The following ZNF106 variants were observed in gnomAD, a reference collection of about 807,000 sequenced individuals.
ZNF106 encodes the protein zinc finger protein 106.
ZNF106 carries 67 observed loss-of-function variants against 195.1 expected under a neutral mutation model. That is an observed-to-expected ratio of 0.34 (90% CI 0.28 to 0.42). ZNF106 has a LOEUF of 0.42. Among genes scored for constraint, ZNF106 ranks in the 10% least tolerant of loss-of-function variants. The probability of loss-of-function intolerance (pLI) is 1.00; values close to 1 mark genes in which losing one functional copy is unlikely to be tolerated. For synonymous variants in ZNF106, 784 were observed against 818.6 expected, an observed-to-expected ratio of 0.96 and a Z score of 0.72; for missense variants, 2,118 against 2,304.5, an observed-to-expected ratio of 0.92 and a Z score of 1.66.
chr15:42,462,810 G>A (rs1464167403), intron 3 of ZNF106, among the ~76,000 whole-genome samples: 1 of 152,116 alleles, frequency 6.6e-6, no homozygotes, highest in African/African-American at 2.4e-5. Flanking sequence ...TGTTTTGACA[G>A]GGTCTCACTG....
Position 42,450,356 on chromosome 15 carries a change from G to C in ZNF106, c.1916C>G (p.Ser639Cys). ...CTCATCAGCAGTTCGAGTGCTGCCA[G>C]ATAACAATTCTGTAGTTGCAGAACC... ...TLGSATTELL[S>C]GSTRTADEKE... The change falls in exon 5 of 22, where the codon TCT (serine) becomes TGT (cysteine). Residue 639 changes from serine to cysteine, a missense_variant. Transcript: ENST00000564754. 6.2e-7 allele frequency: 1 copy of C among 1,614,170 alleles called. No homozygotes were observed.
At chr15:42,418,257 G>A (rs543390730) in intron 20 of ZNF106, among the ~76,000 whole-genome samples, 1 of 151,510 alleles carries the variant, frequency 6.6e-6, no homozygotes, top group South Asian at 2.1e-4. Context: ...ATGAAATTCT[G>A]TTTAAACTGT....
At position 42,454,271 on chromosome 15, in the gene ZNF106, G is replaced by C. The variant is rs75741988; in HGVS notation, c.318-2317C>G. 5.5e-4 allele frequency among the ~76,000 whole-genome samples: 83 copies of C among 151,878 alleles called. 2 individuals are homozygous for C. In the East Asian group the frequency reaches 0.016, roughly 29 times the overall value. ...AAATTACAATCATTTCTAAACAGGAGACTCTTTAGAAAGTAACAAGTATTA... is the reference window on the plus strand; with the variant it reads ...AAATTACAATCATTTCTAAACAGGACACTCTTTAGAAAGTAACAAGTATTA... On this transcript the variant is annotated intron_variant, in intron 4 of 21. Coordinates refer to ENST00000564754, the MANE Select transcript of ZNF106 (RefSeq NM_001366845.3).
chr15:42,418,892 G>A (rs760450102), intron 20 of ZNF106, among the ~76,000 whole-genome samples: 1 of 151,512 alleles, frequency 6.6e-6, no homozygotes, highest in African/African-American at 2.4e-5. Flanking sequence ...TATAAACGTG[G>A]CTTAATTTCA....
chr15:42,475,179 A>C (rs536016135), intron 1 of ZNF106, among the ~76,000 whole-genome samples: 53 of 152,324 alleles, frequency 3.5e-4, no homozygotes, highest in Non-Finnish European at 6.0e-4. Context: ...CAGGCCAGGC[A>C]TGGTGGCTCA....
At chr15:42,481,332 T>A (rs965453299) in intron 1 of ZNF106, among the ~76,000 whole-genome samples, 2 of 150,888 alleles carry the variant, frequency 1.3e-5, no homozygotes, top group South Asian at 4.2e-4. Context: ...CTTTATTTCA[T>A]ATTCTTTCTG....
At chr15:42,477,784 G>T (rs2056814697) in intron 1 of ZNF106, among the ~76,000 whole-genome samples, 1 of 152,042 alleles carries the variant, frequency 6.6e-6, no homozygotes, top group Non-Finnish European at 1.5e-5. Context: ...CAGCTACTCG[G>T]GAGGCTGAGG....
rs367903147 is a variant in ZNF106, at chr15:42,439,635, A to C, written c.3942T>G (p.Asn1314Lys). The C allele has an allele frequency of 1.2e-6, 2 of 1,613,610 alleles. No homozygotes were observed. The highest frequency in any genetic ancestry group is 2.7e-5 in the African/African-American group (2 of 74,830). ...CTTTGGTTGGCTCTTCCCCTTCTTT[A>C]TTTATGCTAGAAAGACCAGCTGATT... ...SSQSAGLSSI[N>K]KEGEEPTKGN... Residue 1314 changes from asparagine to lysine, a missense_variant, in exon 11 of 22, where the codon AAT becomes AAG. Asn to Lys is a moderately conservative substitution (Grantham distance 94). Transcript: ENST00000564754.
chr15:42,432,562 T>A (rs1472166584), intron 14 of ZNF106, among the ~76,000 whole-genome samples: 1 of 152,150 alleles, frequency 6.6e-6, no homozygotes, highest in Non-Finnish European at 1.5e-5. Flanking sequence ...TCAACCTATT[T>A]TGTCTTTACA....
In ZNF106 at chr15:42,440,508, GAA is replaced by G. The variant is rs34427840; in HGVS notation, c.3764-697_3764-696del. Among the ~76,000 whole-genome samples the G allele has an allele frequency of 4.1e-3, 626 of 151,968 alleles. 4 individuals are homozygous for G. Among genetic ancestry groups the G allele is most frequent in the African/African-American group, 0.015 (602 of 41,450 alleles). Reference sequence around the variant, plus strand: ...CAGAAAAATCATTATATATTAAATGGAAAAAGTCAGGTTATATATGACTGCTC... The same window carrying G: ...CAGAAAAATCATTATATATTAAATGGAAAGTCAGGTTATATATGACTGCTC... On this transcript the variant is annotated intron_variant, in intron 10 of 21. Transcript: ENST00000564754.
chr15:42,440,997 AAATATATATATATATATATAT>A (rs1269415472), intron 10 of ZNF106, among the ~76,000 whole-genome samples: 969 of 51,636 alleles, frequency 0.019, 89 homozygotes, highest in Non-Finnish European at 0.024. Flanking sequence ...AAAAAAAAAA[AAATATATATATATATATATAT>A]ATATATATAT....
chr15:42,442,165 T>C lies in ZNF106; in HGVS notation c.3671A>G (p.Gln1224Arg). Residue 1224 changes from glutamine to arginine, a missense_variant, in exon 10 of 22, where the codon CAA (glutamine) becomes CGA (arginine). Coordinates refer to ENST00000564754, the MANE Select transcript of ZNF106 (RefSeq NM_001366845.3). ...PAPDSSVQIK[Q>R]EPMSPEQDEN... ...ATCTTGTTCAGGAGACATGGGCTCT[T>C]GTTTAATCTGAACTGATGAGTCTGG... 1 of 1,614,208 alleles carries C rather than the reference T, an allele frequency of 6.2e-7. No homozygotes were observed. Among genetic ancestry groups the C allele is most frequent in the Non-Finnish European group, 8.5e-7 (1 of 1,180,032 alleles).
chr15:42,448,414 C>T lies in ZNF106; in HGVS notation c.2793G>A (p.Met931Ile). 6.2e-7 allele frequency: 1 copy of T among 1,614,158 alleles called. No homozygotes were observed. Among genetic ancestry groups the T allele is most frequent in the Non-Finnish European group, 8.5e-7 (1 of 1,180,040 alleles). The change falls in exon 6 of 22, where the codon ATG becomes ATA. Residue 931 changes from methionine (M) to isoleucine (I), a missense_variant. Coordinates refer to ENST00000564754, the MANE Select transcript of ZNF106 (RefSeq NM_001366845.3). ...GAGGTGTCACTTCTTGTTTGAGGTGCATGGTTGCTTTCTGGCTCTGTCCAG... is the reference window on the plus strand; with the variant it reads ...GAGGTGTCACTTCTTGTTTGAGGTGTATGGTTGCTTTCTGGCTCTGTCCAG... Reference protein sequence around the residue: ...LRAGQSQKATMHLKQEVTPRA... With the variant: ...LRAGQSQKATIHLKQEVTPRA...
chr15:42,465,214 T>C (rs2056488295), intron 3 of ZNF106, among the ~76,000 whole-genome samples: 1 of 149,602 alleles, frequency 6.7e-6, no homozygotes, highest in Non-Finnish European at 1.5e-5. Context: ...ATTTCATTTT[T>C]TAAAGGTGTC....
chr15:42,424,275 A>G, intron 16 of ZNF106: 1 of 515,108 alleles, frequency 1.9e-6, no homozygotes, highest in South Asian at 3.0e-5. Flanking sequence ...TACGTTTGTT[A>G]CCTTTCCAGA....
chr15:42,437,776 G>A (rs7180315), intron 12 of ZNF106, among the ~76,000 whole-genome samples: 10,589 of 151,728 alleles, frequency 0.07, 815 homozygotes, highest in Admixed American at 0.16. Flanking sequence ...GTGTGGTAGC[G>A]TGAGCCTGTA....
At chr15:42,443,358 G>A (rs530445524) in intron 9 of ZNF106, among the ~76,000 whole-genome samples, 7 of 152,184 alleles carry the variant, frequency 4.6e-5, no homozygotes, top group Admixed American at 6.5e-5. Flanking sequence ...CTGGCCAGGC[G>A]TGGTGGTTCA....
chr15:42,467,668 G>A (rs1290516055), intron 2 of ZNF106, among the ~76,000 whole-genome samples: 1 of 151,838 alleles, frequency 6.6e-6, no homozygotes, highest in Non-Finnish European at 1.5e-5. Context: ...CACTAACTGG[G>A]CTGGTGGTGA....
Position 42,451,133 on chromosome 15 carries a change from G to A in ZNF106, c.1139C>T (p.Thr380Ile). 7 of 1,614,198 alleles carry A rather than the reference G, an allele frequency of 4.3e-6. No homozygotes were observed. The highest frequency in any genetic ancestry group is 5.9e-6 in the Non-Finnish European group (7 of 1,180,042). ...RRWTPYPSQK[T>I]LDLQSGLKDI... ...TTTCAATCCCGACTGTAAATCCAGAGTCTTCTGAGAAGGGTAAGGCGTCCA... is the reference window on the plus strand; with the variant it reads ...TTTCAATCCCGACTGTAAATCCAGAATCTTCTGAGAAGGGTAAGGCGTCCA... Residue 380 changes from threonine (T) to isoleucine (I), a missense_variant, in exon 5 of 22, where the codon ACT becomes ATT. Coordinates refer to ENST00000564754, the MANE Select transcript of ZNF106 (RefSeq NM_001366845.3).
Sources: gnomAD v4.1 joint callset for allele counts (sites outside exome capture counted in the v4.1 genomes callset) on GRCh38, gnomAD v4.1.1 for gene constraint, MANE v1.5 for transcripts, NCBI Gene and HGNC (gene_info 2026-07-23, HGNC 2026-07-21) for gene names.